ABCA10: variants seen among roughly 807,000 people sequenced by gnomAD.
The protein encoded by ABCA10 is ATP binding cassette subfamily A member 10, also known as ATP-binding cassette sub-family A member 10.
A neutral mutation model predicts 187.5 loss-of-function variants in ABCA10; 169 were observed. The observed-to-expected ratio is 0.90, with a 90% confidence interval of 0.80 to 1.02. The LOEUF (loss-of-function observed/expected upper bound fraction) is 1.02, where lower values mean the gene tolerates loss of function less well. Ranked by LOEUF, ABCA10 falls within the 50% of genes least tolerant of loss-of-function variation. The pLI, the probability that ABCA10 is intolerant of heterozygous loss-of-function variation, is 0.00. For missense variants in ABCA10, 1,727 were observed against 1,812.4 expected, an observed-to-expected ratio of 0.95 and a Z score of 0.86; for synonymous variants, 574 against 601.8, an observed-to-expected ratio of 0.95 and a Z score of 0.68.
chr17:69,206,053 T>A (rs1046285941), intron 9 of ABCA10, among the ~76,000 whole-genome samples: 1 of 152,162 alleles, frequency 6.6e-6, no homozygotes, highest in Non-Finnish European at 1.5e-5. Flanking sequence ...AGCTAACTGT[T>A]ATAATTGAGC....
chr17:69,215,003 C>A, intron 8 of ABCA10, 152 bp from the exon 9 acceptor site: 1 of 522,460 alleles, frequency 1.9e-6, no homozygotes. Flanking sequence ...AGTATTGTTG[C>A]TTTTTAAAAA....
chr17:69,240,202 T>C (rs976159783), intron 1 of ABCA10, among the ~76,000 whole-genome samples: 10 of 152,344 alleles, frequency 6.6e-5, no homozygotes, highest in African/African-American at 2.4e-4. Context: ...GGCTAGCTCC[T>C]GCAGCTCTTG....
At position 69,187,741 on chromosome 17, in the gene ABCA10, T is replaced by C. The variant is rs1374167995; in HGVS notation, c.2270A>G (p.Tyr757Cys). 1.2e-5 allele frequency: 19 copies of C among 1,613,808 alleles called. No homozygotes were observed. The highest frequency in any genetic ancestry group is 2.7e-5 in the African/African-American group (2 of 74,922). Residue 757 changes from tyrosine (Y) to cysteine (C), a missense_variant, in exon 19 of 39, where the codon TAT becomes TGT. Transcript: ENST00000690296. ...TAAGAAGCGAAGTGTTGCCACTGCA[T>C]AGATTTGTCGTCTCCAGAGAGCTGC... ...SSAALWRRQIYAVATLRFLKL... is the reference protein window; with the variant it reads ...SSAALWRRQICAVATLRFLKL...
intron 27 of ABCA10, among the ~76,000 whole-genome samples, chr17:69,162,763 CA>C (rs2074226037): frequency 6.7e-6 from 1 of 148,258 alleles, no homozygotes; most frequent in Admixed American, 6.8e-5. Context: ...TCGTTGCTTA[CA>C]AAAGTGTCCT....
intron 2 of ABCA10, 31 bp downstream of exon 2, chr17:69,227,114 G>GAT (rs71892045): frequency 0.059 from 8,060 of 137,424 alleles, 283 homozygotes; most frequent in African/African-American, 0.085. Context: ...ATTAATTATG[G>GAT]ATATATATAT....
intron 4 of ABCA10, 83 bp from the exon 5 acceptor site, chr17:69,221,978 T>C: frequency 1.0e-6 from 1 of 1,001,084 alleles, no homozygotes; most frequent in South Asian, 1.7e-5. Context: ...GGCTCAAAAA[T>C]CAAAATATCT....
chr17:69,150,074 G>A lies in ABCA10; in HGVS notation c.4398-11C>T. 1 of 1,591,026 alleles carries A rather than the reference G, an allele frequency of 6.3e-7. No homozygotes were observed. Among genetic ancestry groups the A allele is most frequent in the East Asian group, 2.2e-5 (1 of 44,706 alleles). On this transcript the variant is annotated splice_polypyrimidine_tract_variant and intron_variant, in intron 36 of 38. Coordinates refer to ENST00000690296, the MANE Select transcript of ABCA10 (RefSeq NM_001377321.1). ...ATTAAAGAGGAATATCTGTCAGGAA[G>A]AAGAGTGAGATTTATTACTAAGTTT...
At chr17:69,203,682 T>C (rs190598148) in intron 9 of ABCA10, among the ~76,000 whole-genome samples, 23 of 152,310 alleles carry the variant, frequency 1.5e-4, no homozygotes, top group Non-Finnish European at 2.6e-4. Flanking sequence ...ATCTCACCAG[T>C]GAAAGAGCCT....
rs1555659760 is a variant in ABCA10, at chr17:69,177,995, A to ATATATATATATATATATGT, written c.2770-2483_2770-2482insACATATATATATATATATA. Among the ~76,000 whole-genome samples, 141 of 112,992 alleles carry ATATATATATATATATATGT rather than the reference A, an allele frequency of 1.2e-3. 2 individuals carry two copies. The highest frequency in any genetic ancestry group is 4.8e-3 in the Middle Eastern group (1 of 210). The allele number at this position is 112,992 out of a possible 152,430, so 74.1% of individuals were successfully genotyped here. On this transcript the variant is annotated intron_variant, in intron 22 of 38. Coordinates refer to ENST00000690296, the MANE Select transcript of ABCA10 (RefSeq NM_001377321.1). Reference sequence around the variant, plus strand: ...AAAAATATATATATATATATATGTTATATATATATATAGTGAAATAATAAT... The same window carrying ATATATATATATATATATGT: ...AAAAATATATATATATATATATGTTATATATATATATATATATGTTATATATATATAGTGAAATAATAAT...
intron 16 of ABCA10, among the ~76,000 whole-genome samples, chr17:69,191,788 T>A (rs2074462167): frequency 6.6e-6 from 1 of 152,192 alleles, no homozygotes; most frequent in Non-Finnish European, 1.5e-5. Flanking sequence ...TTCATAAGGT[T>A]TTTAATAAAC....
chr17:69,162,413 C>T (rs8069791), intron 27 of ABCA10, among the ~76,000 whole-genome samples: 84,921 of 151,904 alleles, frequency 0.56, 25,260 homozygotes, highest in Non-Finnish European at 0.67. Context: ...TCTGGAGGGA[C>T]AAAGAATGAT....
intron 1 of ABCA10, among the ~76,000 whole-genome samples, chr17:69,242,645 G>C (rs141355908): frequency 0.043 from 6,476 of 152,088 alleles, 184 homozygotes; most frequent in Non-Finnish European, 0.066. Flanking sequence ...TATATTTTTA[G>C]TAGAGACAGG....
At chr17:69,243,889 C>A (rs566035721) in intron 1 of ABCA10, among the ~76,000 whole-genome samples, 3 of 152,254 alleles carry the variant, frequency 2.0e-5, no homozygotes, top group South Asian at 4.1e-4. Flanking sequence ...CAAAGTGAGA[C>A]CCTATCTCAA....
At chr17:69,184,916 TACAC>T (rs142309537) in intron 20 of ABCA10, among the ~76,000 whole-genome samples, 3,226 of 141,560 alleles carry the variant, frequency 0.023, 73 homozygotes, top group Admixed American at 0.074. Flanking sequence ...ACTTTTTAAA[TACAC>T]ACACACACAC....
chr17:69,241,877 T>C (rs1017811546), intron 1 of ABCA10, among the ~76,000 whole-genome samples: 1 of 152,224 alleles, frequency 6.6e-6, no homozygotes, highest in Non-Finnish European at 1.5e-5. Context: ...AAAATATTTG[T>C]GAATACTGAA....
chr17:69,160,787 T>C (rs1051071062), intron 27 of ABCA10, among the ~76,000 whole-genome samples: 7 of 152,184 alleles, frequency 4.6e-5, no homozygotes, highest in African/African-American at 1.7e-4. Flanking sequence ...GTGGAGAAAT[T>C]GGAACTCTTG....
At position 69,216,126 on chromosome 17, in the gene ABCA10, G is replaced by GA; in HGVS notation, c.672+90_672+91insT. 9.1e-6 allele frequency: 14 copies of GA among 1,542,076 alleles called. No individual in the cohort carries two copies. In the South Asian group the frequency reaches 1.6e-4, roughly 18 times the overall value. On this transcript the variant is annotated intron_variant, in intron 7 of 38. Coordinates refer to ENST00000690296, the MANE Select transcript of ABCA10 (RefSeq NM_001377321.1). ...TATAGAAAATAGGATAGAAAATATA[G>GA]TGATTACACTAATATCCCAAAGAAA... is the stretch of plus-strand genomic sequence containing the variant.
intron 25 of ABCA10, among the ~76,000 whole-genome samples, chr17:69,170,336 G>A (rs1323025300): frequency 6.7e-6 from 1 of 149,158 alleles, no homozygotes; most frequent in East Asian, 2.0e-4. Flanking sequence ...AACAATGCAA[G>A]TGAAGAATGT....
At position 69,225,361 on chromosome 17, in the gene ABCA10, T is replaced by C; in HGVS notation, c.-3A>G. The stretch of plus-strand genomic sequence containing the variant: ...GAAGCCAAGGCCATCTTATTCATTA[T>C]CCTTTGTGTTATGTTACTGACTGGT... On this transcript the variant is annotated 5_prime_UTR_variant, in exon 3 of 39. Transcript: ENST00000690296. 6.2e-7 allele frequency: 1 copy of C among 1,613,260 alleles called. No individual in the cohort carries two copies. The highest frequency in any genetic ancestry group is 8.5e-7 in the Non-Finnish European group (1 of 1,179,438).
Sources: gnomAD v4.1 joint callset for allele counts (sites outside exome capture counted in the v4.1 genomes callset) on GRCh38, gnomAD v4.1.1 for gene constraint, MANE v1.5 for transcripts, NCBI Gene and HGNC (gene_info 2026-07-23, HGNC 2026-07-21) for gene names.